ENPP2: variants seen among roughly 807,000 people sequenced by gnomAD.
The protein encoded by ENPP2 is autotaxin.
A neutral mutation model predicts 120.2 loss-of-function variants in ENPP2; 51 were observed. The ratio of observed to expected loss-of-function variants is 0.42; its 90% CI spans 0.34 to 0.54. ENPP2 has a LOEUF of 0.54. Among genes scored for constraint, ENPP2 ranks in the 20% least tolerant of loss-of-function variants. The pLI is 0.04. For missense variants in ENPP2, 920 were observed against 1,066.5 expected, an observed-to-expected ratio of 0.86 and a Z score of 1.91; for synonymous variants, 365 against 366.4, an observed-to-expected ratio of 1.00 and a Z score of 0.04.
At chr8:119,599,197 C>T (rs1814110353) in intron 11 of ENPP2, among the ~76,000 whole-genome samples, 1 of 152,070 alleles carries the variant, frequency 6.6e-6, no homozygotes, top group Non-Finnish European at 1.5e-5. Flanking sequence ...GGTTAAACTT[C>T]AAAGGGACAG....
At chr8:119,668,663 G>T (rs1325465411) in intron 1 of ENPP2, among the ~76,000 whole-genome samples, 2 of 151,936 alleles carry the variant, frequency 1.3e-5, no homozygotes, top group African/African-American at 4.8e-5. Context: ...TCTTGACCTT[G>T]TGATCCACCC....
intron 19 of ENPP2, among the ~76,000 whole-genome samples, chr8:119,576,592 A>G (rs976992159): frequency 6.6e-6 from 1 of 152,244 alleles, no homozygotes; most frequent in Non-Finnish European, 1.5e-5. Context: ...TTTTATAGCA[A>G]TGTAAATAGA....
intron 1 of ENPP2, among the ~76,000 whole-genome samples, chr8:119,654,406 G>T (rs1043420775): frequency 7.1e-6 from 1 of 141,512 alleles, no homozygotes; most frequent in South Asian, 2.2e-4. Context: ...TTAATATCTA[G>T]ATATATAATA....
chr8:119,612,862 C>A (rs1049496709), intron 8 of ENPP2, among the ~76,000 whole-genome samples: 7 of 152,092 alleles, frequency 4.6e-5, no homozygotes, highest in Non-Finnish European at 7.4e-5. Flanking sequence ...TGCACTCCAG[C>A]CTGGGCGACT....
At chr8:119,647,625 T>C (rs934014179) in intron 1 of ENPP2, among the ~76,000 whole-genome samples, 35 of 152,182 alleles carry the variant, frequency 2.3e-4, no homozygotes, top group African/African-American at 8.4e-4. Flanking sequence ...GGGTTCCCTG[T>C]TTTTTCAGTA....
intron 1 of ENPP2, among the ~76,000 whole-genome samples, chr8:119,666,712 G>A (rs980188027): frequency 5.3e-5 from 8 of 151,890 alleles, no homozygotes; most frequent in South Asian, 2.1e-4. Context: ...CCCAGGAGGC[G>A]GAGGTTGTGG....
intron 11 of ENPP2, among the ~76,000 whole-genome samples, chr8:119,597,857 G>A (rs1216307278): frequency 1.3e-5 from 2 of 152,148 alleles, no homozygotes; most frequent in African/African-American, 2.4e-5. Context: ...CTGAAAAAAT[G>A]TGGACTCAAA....
chr8:119,597,074 G>A (rs1275731563), intron 11 of ENPP2, among the ~76,000 whole-genome samples: 1 of 152,136 alleles, frequency 6.6e-6, no homozygotes, highest in African/African-American at 2.4e-5. Flanking sequence ...TATCCAAGAA[G>A]GGGAACATCT....
intron 1 of ENPP2, among the ~76,000 whole-genome samples, chr8:119,648,501 C>T (rs1817537715): frequency 6.6e-6 from 1 of 152,236 alleles, no homozygotes; most frequent in Non-Finnish European, 1.5e-5. Flanking sequence ...TAAAGCCCCT[C>T]TACTTGGATT....
At chr8:119,576,960 T>C (rs555751210) in intron 19 of ENPP2, among the ~76,000 whole-genome samples, 2 of 152,358 alleles carry the variant, frequency 1.3e-5, no homozygotes, top group East Asian at 3.9e-4. Flanking sequence ...TAAATATTTA[T>C]AGCAAAATAT....
At chr8:119,560,509 C>A (rs973057639) in intron 24 of ENPP2, among the ~76,000 whole-genome samples, 2 of 152,202 alleles carry the variant, frequency 1.3e-5, no homozygotes, top group Admixed American at 1.3e-4. Flanking sequence ...TTCCATCCTT[C>A]CTTTTAGATC....
chr8:119,575,811 C>T (rs767903560), intron 19 of ENPP2, among the ~76,000 whole-genome samples: 2 of 152,188 alleles, frequency 1.3e-5, no homozygotes, highest in African/African-American at 2.4e-5. Context: ...TACCTCAATA[C>T]TGGCAAAGAA....
chr8:119,558,531 C>T (rs1019503031), intron 24 of ENPP2, among the ~76,000 whole-genome samples: 2 of 152,094 alleles, frequency 1.3e-5, no homozygotes, highest in Non-Finnish European at 2.9e-5. Flanking sequence ...AGATGAAAGA[C>T]ATTCAGATGT....
chr8:119,656,468 G>A lies in ENPP2; in HGVS notation c.21+16784C>T, dbSNP rs559211872. ...CAGTAACAACTACCATGTACCAAGA[G>A]CCTACCATTTGCTGAACATTTAACA... On this transcript the variant is annotated intron_variant, in intron 1 of 25. Transcript: ENST00000427067. Among the ~76,000 whole-genome samples the A allele has an allele frequency of 2.0e-5, 3 of 152,198 alleles. No homozygotes were observed. The East Asian group carries it at 5.8e-4, about 29-fold the overall frequency.
At chr8:119,578,679 G>A (rs934914368) in intron 19 of ENPP2, among the ~76,000 whole-genome samples, 1 of 152,154 alleles carries the variant, frequency 6.6e-6, no homozygotes, top group African/African-American at 2.4e-5. Flanking sequence ...GTCCACTAGA[G>A]GTTAGGTGTC....
chr8:119,585,673 C>A (rs1431551612), intron 15 of ENPP2, among the ~76,000 whole-genome samples: 1 of 152,124 alleles, frequency 6.6e-6, no homozygotes, highest in African/African-American at 2.4e-5. Flanking sequence ...TTCTCTTCAA[C>A]ATTGGAGAGT....
At position 119,669,575 on chromosome 8, in the gene ENPP2, A is replaced by G. The variant is rs142046926; in HGVS notation, c.21+3677T>C. On this transcript the variant is annotated intron_variant, in intron 1 of 25. Transcript: ENST00000427067. ...TAATTTGACTTATGCTGGCTCCACT[A>G]TTCGCCACCTACTTCACTCTCCCAA... 7.7e-3 allele frequency among the ~76,000 whole-genome samples: 1,178 copies of G among 152,282 alleles called. 18 individuals are homozygous for G. The highest frequency in any genetic ancestry group is 0.027 in the African/African-American group (1,116 of 41,544).
At chr8:119,586,997 G>A (rs1402936635) in intron 14 of ENPP2, 47 bp downstream of exon 14, 7 of 1,580,160 alleles carry the variant, frequency 4.4e-6, no homozygotes, top group Non-Finnish European at 6.1e-6. Context: ...CTGCTCCAGG[G>A]GCAGAGGCCT....
chr8:119,623,436 G>C (rs1305690068), intron 3 of ENPP2, among the ~76,000 whole-genome samples: 1 of 152,120 alleles, frequency 6.6e-6, no homozygotes, highest in African/African-American at 2.4e-5. Context: ...TTGCACTCCA[G>C]CATGGGTGAC....
Sources: allele counts gnomAD v4.1 joint callset (sites outside exome capture counted in the v4.1 genomes callset), GRCh38; gene constraint gnomAD v4.1.1; transcripts MANE v1.5; gene names NCBI Gene and HGNC (gene_info 2026-07-23, HGNC 2026-07-21).